Variants in DRAXIN observed in about 807,000 individuals in gnomAD.
The protein encoded by DRAXIN is dorsal repulsive axon guidance protein.
DRAXIN carries 27 observed loss-of-function variants against 33.9 expected under a neutral mutation model. The ratio of observed to expected loss-of-function variants is 0.80; its 90% CI spans 0.59 to 1.10. The LOEUF is 1.10. DRAXIN is among the 50% of genes least tolerant of loss of function. DRAXIN has a pLI of 0.00. For missense variants in DRAXIN, 371 were observed against 460.8 expected (o/e 0.81, Z 1.78); for synonymous variants, 178 against 194.0 (o/e 0.92, Z 0.69).
At chr1:11,691,153 G>T (rs916194590), upstream of DRAXIN, among the ~76,000 whole-genome samples, 4 of 143,056 alleles carry the variant, frequency 2.8e-5, no homozygotes, top group Non-Finnish European at 6.1e-5. Flanking sequence ...TCCCCGTCCC[G>T]CCTCCCCCGC....
At chr1:11,710,725 T>A (rs13375870) in intron 3 of DRAXIN, among the ~76,000 whole-genome samples, 1 of 135,544 alleles carries the variant, frequency 7.4e-6, no homozygotes, top group East Asian at 2.2e-4. Flanking sequence ...CCATCCTGGC[T>A]AACATGGTGA....
At chr1:11,711,996 C>G in intron 4 of DRAXIN, 31 bp downstream of exon 4, 1 of 1,583,324 alleles carries the variant, frequency 6.3e-7, no homozygotes, top group South Asian at 1.1e-5. Flanking sequence ...ATCTTCCATG[C>G]CTGGGTGCCC....
In DRAXIN at chr1:11,724,727, C is replaced by A. The variant is rs546650785; in HGVS notation, c.*5031C>A. On this transcript the variant is annotated 3_prime_UTR_variant, in exon 7 of 7. Coordinates refer to ENST00000294485, the MANE Select transcript of DRAXIN (RefSeq NM_198545.4). ...TGCAAGGAACCGGTTTATAAAACAA[C>A]AGAACAGCCAGGAAAATGGTGCTAG... The A allele has an allele frequency of 1.3e-4, 20 of 152,452 alleles. No individual in the cohort carries two copies. Among genetic ancestry groups the A allele is most frequent in the African/African-American group, 4.8e-4 (20 of 41,586 alleles). 9.4% of individuals were successfully genotyped at this position (152,452 alleles called of 1,614,324 possible).
chr1:11,709,164 C>T, intron 2 of DRAXIN, 111 bp from the exon 3 acceptor site: 1 of 1,178,800 alleles, frequency 8.5e-7, no homozygotes, highest in Non-Finnish European at 1.2e-6. Flanking sequence ...AAGGGCTTGT[C>T]ACACAGTGCC....
chr1:11,712,068 T>A, intron 4 of DRAXIN, 103 bp downstream of exon 4: 1 of 1,148,010 alleles, frequency 8.7e-7, no homozygotes, highest in Non-Finnish European at 1.3e-6. Flanking sequence ...TCTTCAGATG[T>A]CCAAAGGTGG....
In DRAXIN at chr1:11,706,942, C is replaced by G. The variant is rs1423232305; in HGVS notation, c.451+233C>G. ...AATCTGTCTTATCGCGGCCCGGTGC[C>G]GTGGCTCACGCTTGTAATCCCAGCA... On this transcript the variant is annotated intron_variant, in intron 2 of 6. Transcript: ENST00000294485. The surrounding 1 kb of genome is among the most constrained non-coding windows in gnomAD (Gnocchi z 5.5). 6.6e-6 allele frequency among the ~76,000 whole-genome samples: 1 copy of G among 152,074 alleles called. No individual in the cohort carries two copies. Among genetic ancestry groups the G allele is most frequent in the South Asian group, 2.1e-4 (1 of 4,814 alleles).
intron 1 of DRAXIN, among the ~76,000 whole-genome samples, chr1:11,701,042 A>G (rs1641265985): frequency 6.6e-6 from 1 of 152,166 alleles, no homozygotes; most frequent in African/African-American, 2.4e-5. Context: ...CTTCGTTTGC[A>G]TACGGCGATG....
chr1:11,692,007 GACCCGTCT>G lies in DRAXIN; in HGVS notation c.-11+156_-11+163del, dbSNP rs1050480521. On this transcript the variant is annotated intron_variant, in intron 1 of 6. Transcript: ENST00000294485. This position sits in a 1 kb window ranked among gnomAD's most constrained non-coding sequence, Gnocchi z 5.8. ...GATGCTGCCTCCTTCCCAGCCCTCG[GACCCGTCT>G]ATCCGCCAGTCCTTCCGCCGCCTCC... Among the ~76,000 whole-genome samples the G allele has an allele frequency of 1.3e-4, 19 of 151,958 alleles. No individual in the cohort carries two copies. Among genetic ancestry groups the G allele is most frequent in the South Asian group, 6.2e-4 (3 of 4,814 alleles).
chr1:11,699,349 C>A (rs1364517838), intron 1 of DRAXIN, among the ~76,000 whole-genome samples: 1 of 152,108 alleles, frequency 6.6e-6, no homozygotes, highest in Non-Finnish European at 1.5e-5. Flanking sequence ...TTCCCCAAAT[C>A]AAAAATGTCT....
chr1:11,693,514 G>A (rs1641138026), intron 1 of DRAXIN, among the ~76,000 whole-genome samples: 1 of 152,162 alleles, frequency 6.6e-6, no homozygotes, highest in African/African-American at 2.4e-5. Flanking sequence ...AACTTCAGAA[G>A]AGGGAAACCT....
At chr1:11,699,287 C>T (rs1201741052) in intron 1 of DRAXIN, among the ~76,000 whole-genome samples, 2 of 152,104 alleles carry the variant, frequency 1.3e-5, no homozygotes, top group African/African-American at 2.4e-5. Flanking sequence ...ATAAAATCAA[C>T]AAAACAGTGT....
intron 4 of DRAXIN, 67 bp downstream of exon 4, chr1:11,712,032 T>C: frequency 6.7e-7 from 1 of 1,503,380 alleles, no homozygotes; most frequent in Non-Finnish European, 9.1e-7. Context: ...TCTGTTGAGG[T>C]GGGGGCCCCA....
intron 5 of DRAXIN, 69 bp downstream of exon 5, chr1:11,712,498 G>C: frequency 6.7e-7 from 1 of 1,490,192 alleles, no homozygotes; most frequent in East Asian, 2.3e-5. Context: ...GGGAGTGGGG[G>C]TTCCCACATG....
chr1:11,706,228 A>G lies in DRAXIN; in HGVS notation c.-10-21A>G. 6.5e-7 allele frequency: 1 copy of G among 1,532,024 alleles called. No individual in the cohort carries two copies. The highest frequency in any genetic ancestry group is 8.8e-7 in the Non-Finnish European group (1 of 1,138,970). 94.9% of individuals were successfully genotyped at this position (1,532,024 alleles called of 1,614,324 possible). On this transcript the variant is annotated intron_variant, in intron 1 of 6. Transcript: ENST00000294485. The surrounding 1 kb of genome is among the most constrained non-coding windows in gnomAD (Gnocchi z 5.5). The stretch of plus-strand genomic sequence containing the variant: ...GAGAGAGGCCTGGGGCTGCGCATTC[A>G]TGGTGTTGCTCTTCTTGCAGGGAGG...
chr1:11,719,504 T>C (rs1379600286), intron 6 of DRAXIN, 80 bp from the exon 7 acceptor site: 1 of 1,255,874 alleles, frequency 8.0e-7, no homozygotes, highest in Non-Finnish European at 1.1e-6. Context: ...GGGAGCTGGC[T>C]GGCCCCGAGC....
In DRAXIN at chr1:11,721,140, A is replaced by C. The variant is rs1330909705; in HGVS notation, c.*1444A>C. On this transcript the variant is annotated 3_prime_UTR_variant, in exon 7 of 7. Coordinates refer to ENST00000294485, the MANE Select transcript of DRAXIN (RefSeq NM_198545.4). ...TGATGCAAGCATGGAATCCAAAAAA[A>C]CCCCACACATATTGCCCATGTTTAC... 6.6e-6 allele frequency: 1 copy of C among 152,050 alleles called. No individual in the cohort carries two copies. Among genetic ancestry groups the C allele is most frequent in the East Asian group, 1.9e-4 (1 of 5,188 alleles). 9.4% of individuals were successfully genotyped at this position (152,050 alleles called of 1,614,324 possible).
chr1:11,712,253 G>T (rs1473980751), intron 4 of DRAXIN, 87 bp from the exon 5 acceptor site: 2 of 1,460,642 alleles, frequency 1.4e-6, no homozygotes, highest in East Asian at 4.5e-5. Flanking sequence ...TAGAGTGGTG[G>T]TATGGGCACT....
chr1:11,709,558 G>A (rs762134029), intron 3 of DRAXIN, 93 bp downstream of exon 3: 146 of 1,371,430 alleles, frequency 1.1e-4, no homozygotes, highest in Non-Finnish European at 1.3e-4. Context: ...ACTGAGGCAC[G>A]GGGGCAGGAG....
chr1:11,709,600 C>T, intron 3 of DRAXIN, 135 bp downstream of exon 3: 1 of 1,097,094 alleles, frequency 9.1e-7, no homozygotes, highest in Middle Eastern at 2.2e-4. Flanking sequence ...GAAACCAGAT[C>T]TCCTGCTGCC....
Sources: allele counts gnomAD v4.1 joint callset (sites outside exome capture counted in the v4.1 genomes callset), GRCh38; gene constraint gnomAD v4.1.1; non-coding constraint Gnocchi (gnomAD v3.1); transcripts MANE v1.5; gene names NCBI Gene and HGNC (gene_info 2026-07-23, HGNC 2026-07-21).